Variants in CSRP1 observed in about 807,000 individuals in gnomAD.
The protein encoded by CSRP1 is cysteine and glycine rich protein 1.
Under a neutral mutation model 25.4 loss-of-function variants are expected in CSRP1, and 16 were observed. The ratio of observed to expected loss-of-function variants is 0.63; its 90% confidence interval spans 0.43 to 0.96. CSRP1 has a LOEUF of 0.96. Ranked by LOEUF, CSRP1 falls within the 40% of genes least tolerant of loss-of-function variation. The pLI, the probability that CSRP1 is intolerant of heterozygous loss-of-function variation, is 0.00. For missense variants in CSRP1, 212 were observed against 243.6 expected (o/e 0.87, Z 0.86); for synonymous variants, 97 against 95.3 (o/e 1.02, Z -0.10).
intron 4 of CSRP1, 56 bp from the exon 5 acceptor site, chr1:201,485,432 C>T: frequency 6.7e-7 from 1 of 1,493,762 alleles, no homozygotes; most frequent in Middle Eastern, 1.9e-4. Context: ...GTACCCTCCA[C>T]CCCAGGCCCA....
intron 1 of CSRP1, among the ~76,000 whole-genome samples, chr1:201,505,407 G>A (rs1664796342): frequency 6.6e-6 from 1 of 152,202 alleles, no homozygotes; most frequent in Admixed American, 6.5e-5. Flanking sequence ...CAGGTGCTAA[G>A]ACAGACCACA....
intron 2 of CSRP1, chr1:201,491,278 A>G (rs1664330232): frequency 6.6e-6 from 1 of 152,186 alleles, no homozygotes; most frequent in African/African-American, 2.4e-5. Context: ...TTATTTAAAA[A>G]TAAATAAATA....
At chr1:201,505,656 A>T (rs546206504) in intron 1 of CSRP1, among the ~76,000 whole-genome samples, 2 of 152,322 alleles carry the variant, frequency 1.3e-5, no homozygotes, top group Admixed American at 1.3e-4. Flanking sequence ...CTCCAAGGCA[A>T]AGAGTCATTC....
chr1:201,484,875 C>G lies in CSRP1; in HGVS notation c.506-86G>C. ...CCCTCCTGCTGAAGATCCCCCACTC[C>G]TAGTGCCCAGCCAGACTGCTAGGGA... On this transcript the variant is annotated intron_variant, in intron 5 of 5. Coordinates refer to ENST00000340006, the MANE Select transcript of CSRP1 (RefSeq NM_004078.3). 4 of 1,206,520 alleles carry G rather than the reference C, an allele frequency of 3.3e-6. No homozygotes were observed. The South Asian group carries it at 5.4e-5, about 16-fold the overall frequency. 74.7% of individuals were successfully genotyped at this position (1,206,520 alleles called of 1,614,324 possible).
At chr1:201,499,285 C>G (rs1019377399) in intron 1 of CSRP1, among the ~76,000 whole-genome samples, 2 of 152,190 alleles carry the variant, frequency 1.3e-5, no homozygotes, top group Non-Finnish European at 2.9e-5. Flanking sequence ...TACAAAACCC[C>G]GATTTTATTC....
Position 201,488,662 on chromosome 1 carries a change from C to T in CSRP1, c.411+193G>A, listed in dbSNP as rs547099454. The T allele has an allele frequency of 5.6e-6, 3 of 539,020 alleles. No homozygotes were observed. In the African/African-American group the frequency reaches 5.7e-5, roughly 10 times the overall value. The allele number at this position is 539,020 out of a possible 1,614,324, so 33.4% of individuals were successfully genotyped here. A position where few individuals can be genotyped will look rare whatever the true frequency, so the allele number is the denominator to read the frequency against. On this transcript the variant is annotated intron_variant, in intron 4 of 5. Coordinates refer to ENST00000340006, the MANE Select transcript of CSRP1 (RefSeq NM_004078.3). Reference sequence around the variant, plus strand: ...TCCATCAATGCTGGGGATGTTACTGCTCATGGCTGATATGAGCTCCTTGGA... The same window carrying T: ...TCCATCAATGCTGGGGATGTTACTGTTCATGGCTGATATGAGCTCCTTGGA...
In CSRP1 at chr1:201,484,512, C is replaced by T. The variant is rs1407380809; in HGVS notation, c.*201G>A. The T allele has an allele frequency of 8.3e-6, 5 of 599,298 alleles. No individual in the cohort carries two copies. Among genetic ancestry groups the T allele is most frequent in the Non-Finnish European group, 1.5e-5 (5 of 334,644 alleles). The allele number at this position is 599,298 out of a possible 1,614,324, so 37.1% of individuals were successfully genotyped here. ...TCTCCTACTGGTGATGGTGTCAGAT[C>T]CCAGGCCTGGGGAGCCCTTTAGTGG... On this transcript the variant is annotated 3_prime_UTR_variant, in exon 6 of 6. Transcript: ENST00000340006.
chr1:201,496,484 T>A (rs868040607), intron 1 of CSRP1, 180 bp from the exon 2 acceptor site: 1 of 613,484 alleles, frequency 1.6e-6, no homozygotes, highest in Middle Eastern at 3.1e-4. Flanking sequence ...CCTCGCACGT[T>A]CTCGGGGATT....
At chr1:201,486,443 G>A in intron 4 of CSRP1, 1 of 985,564 alleles carries the variant, frequency 1.0e-6, no homozygotes, top group Non-Finnish European at 1.2e-6. Context: ...TGGTGGATGA[G>A]AAAGGAAATT....
intron 1 of CSRP1, among the ~76,000 whole-genome samples, chr1:201,499,782 C>T (rs1050388533): frequency 2.0e-5 from 3 of 152,092 alleles, no homozygotes; most frequent in East Asian, 1.9e-4. Flanking sequence ...CCACCATACC[C>T]GGCTAATTTT....
chr1:201,503,051 C>T (rs1413785379), intron 1 of CSRP1, among the ~76,000 whole-genome samples: 1 of 151,910 alleles, frequency 6.6e-6, no homozygotes, highest in African/African-American at 2.4e-5. Context: ...GAGGCTGAGG[C>T]AGGAGAATTG....
At chr1:201,499,543 G>A (rs1303531641) in intron 1 of CSRP1, among the ~76,000 whole-genome samples, 1 of 152,128 alleles carries the variant, frequency 6.6e-6, no homozygotes, top group Non-Finnish European at 1.5e-5. Flanking sequence ...GTGACCCTTG[G>A]AACTCAGCCA....
chr1:201,484,296 CCCT>C lies in CSRP1; in HGVS notation c.*414_*416del. 2 of 510,922 alleles carry C rather than the reference CCCT, an allele frequency of 3.9e-6. No individual in the cohort carries two copies. The highest frequency in any genetic ancestry group is 7.0e-6 in the Non-Finnish European group (2 of 285,270). 31.6% of individuals were successfully genotyped at this position (510,922 alleles called of 1,614,324 possible). A position where few individuals can be genotyped will look rare whatever the true frequency, so the allele number is the denominator to read the frequency against. ...GAGATCCAAAAAACCCAGCCTTCCC[CCCT>C]CCTCATCTTGGTCTTGCTTCCCTCT... On this transcript the variant is annotated 3_prime_UTR_variant, in exon 6 of 6. Coordinates refer to ENST00000340006, the MANE Select transcript of CSRP1 (RefSeq NM_004078.3).
chr1:201,486,930 C>T (rs1664165629), intron 4 of CSRP1: 2 of 1,272,974 alleles, frequency 1.6e-6, no homozygotes, highest in Non-Finnish European at 2.0e-6. Flanking sequence ...GAACAAAAAA[C>T]CCAACTTAAT....
At chr1:201,490,072 G>A in intron 3 of CSRP1, 104 bp downstream of exon 3, 1 of 1,178,804 alleles carries the variant, frequency 8.5e-7, no homozygotes, top group Non-Finnish European at 1.2e-6. Flanking sequence ...GGTTTTCTGA[G>A]CCTTCCATTG....
At chr1:201,499,678 C>G (rs1664609402) in intron 1 of CSRP1, among the ~76,000 whole-genome samples, 1 of 152,188 alleles carries the variant, frequency 6.6e-6, no homozygotes, top group Non-Finnish European at 1.5e-5. Context: ...TGCAGTGGCA[C>G]AATCTCTGCT....
intron 4 of CSRP1, chr1:201,488,080 C>T (rs1176815318): frequency 6.6e-6 from 1 of 152,204 alleles, no homozygotes; most frequent in Non-Finnish European, 1.5e-5. Flanking sequence ...ACGTGATGCT[C>T]CAGAATTCCT....
chr1:201,491,185 CA>C (rs1490718126), intron 2 of CSRP1: 1 of 152,158 alleles, frequency 6.6e-6, no homozygotes, highest in African/African-American at 2.4e-5. Flanking sequence ...GTAGTTCCAG[CA>C]GTGGGAAGCC....
At chr1:201,503,886 G>A (rs1664739270) in intron 1 of CSRP1, among the ~76,000 whole-genome samples, 1 of 152,152 alleles carries the variant, frequency 6.6e-6, no homozygotes, top group Non-Finnish European at 1.5e-5. Flanking sequence ...AACATGCAGA[G>A]CTGGTGAAAG....
Sources: gnomAD v4.1 joint callset for allele counts (sites outside exome capture counted in the v4.1 genomes callset) on GRCh38, gnomAD v4.1.1 for gene constraint, MANE v1.5 for transcripts, NCBI Gene and HGNC (gene_info 2026-07-23, HGNC 2026-07-21) for gene names.